The following MAN1A2 variants were observed in gnomAD, a reference collection of about 807,000 sequenced individuals.
MAN1A2 encodes mannosidase alpha class 1A member 2.
Under a neutral mutation model 75.7 loss-of-function variants are expected in MAN1A2, and 26 were observed. The observed-to-expected ratio is 0.34, with a 90% CI of 0.25 to 0.48. The LOEUF is 0.48. MAN1A2 is among the 20% of genes least tolerant of loss of function. The probability of loss-of-function intolerance (pLI) is 0.99; values close to 1 mark genes in which losing one functional copy is unlikely to be tolerated. For missense variants in MAN1A2, 562 were observed against 775.5 expected (o/e 0.72, Z 3.27); for synonymous variants, 247 against 264.6 (o/e 0.93, Z 0.65).
At chr1:117,413,621 G>A (rs1647892566) in intron 3 of MAN1A2, among the ~76,000 whole-genome samples, 1 of 151,742 alleles carries the variant, frequency 6.6e-6, no homozygotes, top group Admixed American at 6.6e-5. Context: ...AGAGTTGATG[G>A]GTCTTTAAAG....
chr1:117,491,179 A>G (rs1365406135), intron 8 of MAN1A2, among the ~76,000 whole-genome samples: 1 of 152,064 alleles, frequency 6.6e-6, no homozygotes, highest in Non-Finnish European at 1.5e-5. Context: ...TTCAATGTAG[A>G]TGGAACAGGT....
intron 8 of MAN1A2, among the ~76,000 whole-genome samples, chr1:117,488,235 A>G (rs928306816): frequency 2.0e-4 from 30 of 150,892 alleles, no homozygotes; most frequent in Admixed American, 9.2e-4. Flanking sequence ...TTCTTGAGAC[A>G]GAGTCTCACG....
chr1:117,368,392 TAGA>T lies in MAN1A2; in HGVS notation c.213_215del (p.Glu71del), dbSNP rs763335468. On this transcript the variant is annotated inframe_deletion, in exon 1 of 13. Transcript: ENST00000356554. Reference sequence around the variant, plus strand: ...AAACACAAACGCTTTGATTTGGGTTTAGAAGATGTGTTAATTCCACATGTAGAT... The same window carrying T: ...AAACACAAACGCTTTGATTTGGGTTTAGATGTGTTAATTCCACATGTAGAT... 13 of 1,614,144 alleles carry T rather than the reference TAGA, an allele frequency of 8.1e-6. No individual in the cohort carries two copies. The East Asian group carries it at 2.7e-4, about 33-fold the overall frequency.
chr1:117,466,806 G>C (rs1482458402), intron 8 of MAN1A2, among the ~76,000 whole-genome samples: 2 of 152,142 alleles, frequency 1.3e-5, no homozygotes, highest in Non-Finnish European at 2.9e-5. Flanking sequence ...AAGGGGGGCA[G>C]TTGTTCTTGG....
chr1:117,400,745 A>C (rs1470520736), intron 1 of MAN1A2, among the ~76,000 whole-genome samples: 1 of 152,138 alleles, frequency 6.6e-6, no homozygotes, highest in Non-Finnish European at 1.5e-5. Context: ...AGTTTTGTTT[A>C]ACTGTTTATT....
chr1:117,389,189 G>A (rs191846676), intron 1 of MAN1A2, among the ~76,000 whole-genome samples: 30 of 152,290 alleles, frequency 2.0e-4, no homozygotes, highest in African/African-American at 6.5e-4. Context: ...CTATGTGCAT[G>A]ATAGTTTCTT....
intron 5 of MAN1A2, among the ~76,000 whole-genome samples, chr1:117,429,943 G>T (rs1236669625): frequency 2.5e-4 from 16 of 65,028 alleles, no homozygotes; most frequent in Admixed American, 2.2e-3. Context: ...GGGCAGAGGC[G>T]CCCCTCACCT....
chr1:117,497,661 A>G (rs922136767), intron 10 of MAN1A2, among the ~76,000 whole-genome samples: 5 of 151,870 alleles, frequency 3.3e-5, no homozygotes, highest in African/African-American at 1.2e-4. Flanking sequence ...CACAGTATAT[A>G]TTTGGTATTA....
chr1:117,421,412 TTAATGTTGAAG>T (rs1453833581), intron 5 of MAN1A2, among the ~76,000 whole-genome samples: 7 of 152,052 alleles, frequency 4.6e-5, no homozygotes, highest in Non-Finnish European at 8.8e-5. Context: ...TTTTTTGTTG[TTAATGTTGAAG>T]TAATCATTTA....
Position 117,458,523 on chromosome 1 carries a change from A to ATTTTTTTTTTTTTTTTTT in MAN1A2, c.951-1949_951-1948insTTTTTTTTTTTTTTTTTT, listed in dbSNP as rs5777311. 2.6e-4 allele frequency among the ~76,000 whole-genome samples: 27 copies of ATTTTTTTTTTTTTTTTTT among 105,588 alleles called. 1 individual carries two copies. The highest frequency in any genetic ancestry group is 3.4e-4 in the Non-Finnish European group (17 of 50,184). 69.3% of individuals were successfully genotyped at this position (105,588 alleles called of 152,430 possible). A position where few individuals can be genotyped will look rare whatever the true frequency, so the allele number is the denominator to read the frequency against. On this transcript the variant is annotated intron_variant, in intron 6 of 12. Coordinates refer to ENST00000356554, the MANE Select transcript of MAN1A2 (RefSeq NM_006699.5). ...TATATATATATATAGATATATATAT[A>ATTTTTTTTTTTTTTTTTT]TTTTTTTTTTTTTTTTTGAGACAGA... is the stretch of plus-strand genomic sequence containing the variant.
At chr1:117,488,310 C>T (rs1006817000) in intron 8 of MAN1A2, among the ~76,000 whole-genome samples, 2 of 151,800 alleles carry the variant, frequency 1.3e-5, no homozygotes, top group African/African-American at 4.8e-5. Flanking sequence ...ATTCTCATGC[C>T]TCAGCCTCCC....
At chr1:117,493,411 G>C (rs1650947141) in intron 9 of MAN1A2, 149 bp downstream of exon 9, 1 of 483,218 alleles carries the variant, frequency 2.1e-6, no homozygotes, top group South Asian at 3.4e-5. Flanking sequence ...TGTAGAGTTT[G>C]TTACTATTTT....
At chr1:117,427,158 AT>A (rs35505705) in intron 5 of MAN1A2, among the ~76,000 whole-genome samples, 46,399 of 149,852 alleles carry the variant, frequency 0.31, 8,122 homozygotes, top group African/African-American at 0.47. Flanking sequence ...AAAATGATCC[AT>A]TTTTTTTTTT....
At chr1:117,434,699 G>A (rs1648793117) in intron 5 of MAN1A2, among the ~76,000 whole-genome samples, 1 of 151,504 alleles carries the variant, frequency 6.6e-6, no homozygotes, top group South Asian at 2.1e-4. Flanking sequence ...AAATGTGCTT[G>A]ATGTATTCAG....
intron 12 of MAN1A2, among the ~76,000 whole-genome samples, chr1:117,513,809 T>TA (rs1255526430): frequency 6.6e-6 from 1 of 152,172 alleles, no homozygotes; most frequent in Non-Finnish European, 1.5e-5. Flanking sequence ...TCTGGCTTTT[T>TA]AAAAAATTTC....
intron 1 of MAN1A2, among the ~76,000 whole-genome samples, chr1:117,378,283 A>G (rs775775682): frequency 3.3e-5 from 5 of 152,234 alleles, no homozygotes; most frequent in Admixed American, 1.3e-4. Context: ...GGACATTGTC[A>G]TTGTCAGTGC....
At chr1:117,393,037 A>T (rs1653782275) in intron 1 of MAN1A2, among the ~76,000 whole-genome samples, 1 of 152,242 alleles carries the variant, frequency 6.6e-6, no homozygotes, top group Non-Finnish European at 1.5e-5. Context: ...AGGAGTGGTG[A>T]TCCCAAATGT....
intron 6 of MAN1A2, among the ~76,000 whole-genome samples, chr1:117,455,173 TA>T (rs1436979187): frequency 6.6e-6 from 1 of 152,112 alleles, no homozygotes; most frequent in African/African-American, 2.4e-5. Flanking sequence ...CATTTAGCCA[TA>T]AAAAGAATCT....
intron 12 of MAN1A2, among the ~76,000 whole-genome samples, chr1:117,511,027 A>G (rs1165071236): frequency 1.3e-5 from 2 of 152,102 alleles, no homozygotes; most frequent in African/African-American, 4.8e-5. Context: ...AAGAGGTTTA[A>G]TTGACTCACA....
Sources: gnomAD v4.1 joint callset for allele counts (sites outside exome capture counted in the v4.1 genomes callset) on GRCh38, gnomAD v4.1.1 for gene constraint, MANE v1.5 for transcripts, NCBI Gene and HGNC (gene_info 2026-07-23, HGNC 2026-07-21) for gene names.